The following GLIS3 variants were observed in gnomAD, a reference collection of about 807,000 sequenced individuals.
GLIS3 encodes GLIS family zinc finger 3, also known as zinc finger protein GLIS3.
GLIS3 carries 53 observed loss-of-function variants against 78.6 expected under a neutral mutation model. The ratio of observed to expected loss-of-function variants is 0.67; its 90% CI spans 0.54 to 0.85. The LOEUF is 0.85. Ranked by LOEUF, GLIS3 falls within the 40% of genes least tolerant of loss-of-function variation. The pLI is 0.00. For synonymous variants in GLIS3, 684 were observed against 509.9 expected (o/e 1.34, Z -4.60); for missense variants, 1,703 against 1,231.1 (o/e 1.38, Z -5.74).
chr9:4,126,853 T>C (rs1415659868), intron 2 of GLIS3, among the ~76,000 whole-genome samples: 1 of 152,236 alleles, frequency 6.6e-6, no homozygotes, highest in African/African-American at 2.4e-5. Context: ...AACAAAAATA[T>C]ATACGATCTC....
At chr9:4,066,980 G>A (rs1827154469) in intron 4 of GLIS3, among the ~76,000 whole-genome samples, 1 of 152,118 alleles carries the variant, frequency 6.6e-6, no homozygotes, top group Non-Finnish European at 1.5e-5. Flanking sequence ...TCACAAACCT[G>A]TCCACCACAC....
the GLIS3 span, among the ~76,000 whole-genome samples, chr9:4,445,899 G>A: frequency 1.3e-5 from 2 of 152,198 alleles, no homozygotes; most frequent in African/African-American, 4.8e-5. Context: ...CATCCAAGAG[G>A]ACAGATAGAA....
At chr9:3,881,472 C>T (rs1044641085) in intron 7 of GLIS3, among the ~76,000 whole-genome samples, 6 of 152,150 alleles carry the variant, frequency 3.9e-5, no homozygotes, top group African/African-American at 9.7e-5. Flanking sequence ...ACTCTGTGCT[C>T]TACTCTATGG....
Position 3,828,130 on chromosome 9 carries a change from G to A in GLIS3, c.*142C>T, listed in dbSNP as rs764499349. The A allele has an allele frequency of 1.5e-5, 14 of 920,066 alleles. No homozygotes were observed. The highest frequency in any genetic ancestry group is 2.3e-5 in the Non-Finnish European group (13 of 577,446). 57.0% of individuals were successfully genotyped at this position (920,066 alleles called of 1,614,324 possible). A position where few individuals can be genotyped will look rare whatever the true frequency, so the allele number is the denominator to read the frequency against. ...AAAGCTAGCTCTGCCATTCAGTCCT[G>A]CCTTCTGAAAGAACATCAGTAACTC... On this transcript the variant is annotated 3_prime_UTR_variant, in exon 11 of 11. Transcript: ENST00000381971.
the GLIS3 span, among the ~76,000 whole-genome samples, chr9:4,458,789 C>G: frequency 6.6e-6 from 1 of 152,082 alleles, no homozygotes; most frequent in Non-Finnish European, 1.5e-5. Context: ...CAGAGCGAGA[C>G]TTGAGTATAT....
At chr9:4,477,836 A>T in the GLIS3 span, among the ~76,000 whole-genome samples, 1 of 152,230 alleles carries the variant, frequency 6.6e-6, no homozygotes, top group Admixed American at 6.5e-5. Context: ...CTGTACACTT[A>T]AAAACATGGT....
chr9:4,323,322 T>C (rs1318322563), intron 2 of GLIS3, among the ~76,000 whole-genome samples: 5 of 152,190 alleles, frequency 3.3e-5, no homozygotes, highest in African/African-American at 9.6e-5. Context: ...CATATATTTA[T>C]ATATGTAAAC....
chr9:4,124,361 T>C (rs1268382893), intron 3 of GLIS3, among the ~76,000 whole-genome samples: 1 of 152,210 alleles, frequency 6.6e-6, no homozygotes, highest in Non-Finnish European at 1.5e-5. Flanking sequence ...TAAAAGGGAC[T>C]GCATAAGATA....
Position 4,205,608 on chromosome 9 carries a change from G to A in GLIS3, c.389-79667C>T, listed in dbSNP as rs138372264. Among the ~76,000 whole-genome samples the A allele has an allele frequency of 5.1e-3, 774 of 152,340 alleles. 4 individuals carry two copies. Among genetic ancestry groups the A allele is most frequent in the South Asian group, 0.04 (191 of 4,826 alleles). On this transcript the variant is annotated intron_variant, in intron 2 of 10. Coordinates refer to ENST00000381971, the MANE Select transcript of GLIS3 (RefSeq NM_001042413.2). ...AGTGAGTAGCACGGAGGAGCTGAAG[G>A]ATGAAGCCAAAACATGGATGTGGGG...
intron 2 of GLIS3, among the ~76,000 whole-genome samples, chr9:4,176,580 T>C (rs1392848578): frequency 1.3e-5 from 2 of 152,168 alleles, no homozygotes; most frequent in East Asian, 3.9e-4. Flanking sequence ...AAAAAAACAC[T>C]GCAAAGAACA....
At chr9:3,932,671 A>G (rs1825690184) in intron 5 of GLIS3, 1 of 537,754 alleles carries the variant, frequency 1.9e-6, no homozygotes, top group South Asian at 1.9e-5. Flanking sequence ...CTTTCAAGGA[A>G]CAAAGAGATG....
the GLIS3 span, among the ~76,000 whole-genome samples, chr9:4,356,690 C>T: frequency 6.6e-6 from 1 of 152,180 alleles, no homozygotes. Context: ...CTGCTTGTTT[C>T]ATTTATAAAT....
rs150625921 is a variant in GLIS3 at position 4,028,025 on chromosome 9, C to T, written c.1710+89743G>A. 1.8e-3 allele frequency among the ~76,000 whole-genome samples: 277 copies of T among 152,272 alleles called. 1 individual carries two copies. Among genetic ancestry groups the T allele is most frequent in the African/African-American group, 6.3e-3 (261 of 41,546 alleles). On this transcript the variant is annotated intron_variant, in intron 4 of 10. Coordinates refer to ENST00000381971, the MANE Select transcript of GLIS3 (RefSeq NM_001042413.2). ...TATGCTAGACCAAACCAGCGCAACC[C>T]GGATCCACTACAGCGGCAGCATAGT...
intron 4 of GLIS3, among the ~76,000 whole-genome samples, chr9:4,057,300 C>T (rs1194990480): frequency 6.6e-6 from 1 of 152,042 alleles, no homozygotes. Context: ...ACAAGGGGCC[C>T]CACATTTTCA....
intron 2 of GLIS3, among the ~76,000 whole-genome samples, chr9:4,202,481 G>T (rs540658659): frequency 1.5e-4 from 22 of 151,320 alleles, no homozygotes; most frequent in Non-Finnish European, 2.8e-4. Flanking sequence ...TAAAATTCAC[G>T]TGAAACCAAA....
intron 2 of GLIS3, among the ~76,000 whole-genome samples, chr9:4,262,689 C>G (rs550910799): frequency 6.6e-6 from 1 of 152,220 alleles, no homozygotes; most frequent in East Asian, 1.9e-4. Context: ...GACCTATGTG[C>G]TGCTGGGCAC....
At chr9:4,399,062 C>T in the GLIS3 span, among the ~76,000 whole-genome samples, 1 of 152,188 alleles carries the variant, frequency 6.6e-6, no homozygotes, top group Admixed American at 6.5e-5. Flanking sequence ...TAGACCATAA[C>T]ATTTTACGAT....
the GLIS3 span, among the ~76,000 whole-genome samples, chr9:4,487,450 TA>T: frequency 1.3e-5 from 2 of 152,066 alleles, no homozygotes; most frequent in Non-Finnish European, 2.9e-5. Context: ...AACTGAGACA[TA>T]AAAAATTTAA....
chr9:4,293,902 T>C (rs975822267), intron 1 of GLIS3, among the ~76,000 whole-genome samples: 1 of 152,252 alleles, frequency 6.6e-6, no homozygotes, highest in Non-Finnish European at 1.5e-5. Flanking sequence ...CCCCACCAGC[T>C]TTCCTTGACT....
Sources: gnomAD v4.1 joint callset for allele counts (sites outside exome capture counted in the v4.1 genomes callset) on GRCh38, gnomAD v4.1.1 for gene constraint, MANE v1.5 for transcripts, NCBI Gene and HGNC (gene_info 2026-07-23, HGNC 2026-07-21) for gene names.